MACO1: variants seen among roughly 807,000 people sequenced by gnomAD.
MACO1 encodes the protein macoilin.
MACO1 carries 14 observed loss-of-function variants against 78.7 expected under a neutral mutation model. The observed-to-expected ratio is 0.18, with a 90% CI of 0.12 to 0.28. The LOEUF (loss-of-function observed/expected upper bound fraction) is 0.28, where lower values mean the gene tolerates loss of function less well. Ranked by LOEUF, MACO1 falls within the 10% of genes least tolerant of loss-of-function variation. The pLI, the probability that MACO1 is intolerant of heterozygous loss-of-function variation, is 1.00. For synonymous variants in MACO1, 288 were observed against 291.6 expected (o/e 0.99, Z 0.12); for missense variants, 501 against 799.0 (o/e 0.63, Z 4.50).
intron 1 of MACO1, among the ~76,000 whole-genome samples, chr1:25,445,582 T>A (rs1209995187): frequency 6.6e-6 from 1 of 152,056 alleles, no homozygotes; most frequent in Non-Finnish European, 1.5e-5. Flanking sequence ...CTCTTTTCTT[T>A]TTATTATTTT....
At chr1:25,435,079 T>A (rs2042907948) in intron 1 of MACO1, among the ~76,000 whole-genome samples, 1 of 152,188 alleles carries the variant, frequency 6.6e-6, no homozygotes, top group Non-Finnish European at 1.5e-5. Flanking sequence ...ATATTCCAAA[T>A]CGCTACAGTT....
At chr1:25,483,796 G>T (rs1245305167) in intron 6 of MACO1, among the ~76,000 whole-genome samples, 1 of 152,202 alleles carries the variant, frequency 6.6e-6, no homozygotes, top group East Asian at 1.9e-4. Context: ...GGAGCCTTTA[G>T]TCTTCAGCCA....
chr1:25,431,143 A>G lies in MACO1; in HGVS notation c.45A>G (p.Leu15=), dbSNP rs1397577224. ...ACTGCAGTAAGCTCCGCCGCCCCCT[A>G]AAGCGGAACCGGATCACCGAGGGCA... ...NADCSKLRRP[L]KRNRITEGIY... The change falls in exon 1 of 11, where the codon CTA becomes CTG. Residue 15 remains leucine (L), a synonymous_variant. Transcript: ENST00000374343. The G allele has an allele frequency of 1.3e-6, 2 of 1,598,794 alleles. No homozygotes were observed. Among genetic ancestry groups the G allele is most frequent in the Admixed American group, 1.7e-5 (1 of 58,812 alleles).
intron 1 of MACO1, among the ~76,000 whole-genome samples, chr1:25,434,993 T>C (rs1400473027): frequency 6.6e-6 from 1 of 152,184 alleles, no homozygotes; most frequent in East Asian, 1.9e-4. Context: ...TTACTGACTT[T>C]ATAATATAAA....
At chr1:25,480,929 A>AAAATATATATATATATAT (rs1553166539) in intron 6 of MACO1, among the ~76,000 whole-genome samples, 1 of 47,932 alleles carries the variant, frequency 2.1e-5, no homozygotes, top group Non-Finnish European at 3.4e-5. Flanking sequence ...AAAAAAAAAA[A>AAAATATATATATATATAT]ATATATATAT....
In MACO1 at chr1:25,485,531, AG is replaced by A; in HGVS notation, c.1314-80del. 1 of 1,433,898 alleles carries A rather than the reference AG, an allele frequency of 7.0e-7. No individual in the cohort carries two copies. Among genetic ancestry groups the A allele is most frequent in the Non-Finnish European group, 9.4e-7 (1 of 1,061,930 alleles). The allele number at this position is 1,433,898 out of a possible 1,614,324, so 88.8% of individuals were successfully genotyped here. ...CAAACCTCCTGTTTAATTGGCCTTA[AG>A]GTGATAAAGAGATGTTTCTCAAGGG... On this transcript the variant is annotated intron_variant, in intron 7 of 10. Coordinates refer to ENST00000374343, the MANE Select transcript of MACO1 (RefSeq NM_018202.6). The surrounding 1 kb of genome is among the most constrained non-coding windows in gnomAD (Gnocchi z 4.3).
rs1300203151 is a variant in MACO1, at chr1:25,499,453, T to G, written c.*987T>G. On this transcript the variant is annotated 3_prime_UTR_variant, in exon 11 of 11. Transcript: ENST00000374343. ...CTGCGGGTCTAGGTTTTTTTTTTTT[T>G]GTTTTGTTTTTTCATTTCATTTAAC... 3.3e-5 allele frequency: 5 copies of G among 151,474 alleles called. No individual in the cohort carries two copies. The highest frequency in any genetic ancestry group is 2.1e-4 in the South Asian group (1 of 4,794). The allele number at this position is 151,474 out of a possible 1,614,324, so 9.4% of individuals were successfully genotyped here.
chr1:25,445,734 AT>A (rs1169750542), intron 1 of MACO1, among the ~76,000 whole-genome samples: 1 of 152,166 alleles, frequency 6.6e-6, no homozygotes, highest in Non-Finnish European at 1.5e-5. Flanking sequence ...TCACATCAGT[AT>A]TGGAATATTT....
At chr1:25,431,704 G>A (rs1365660166) in intron 1 of MACO1, among the ~76,000 whole-genome samples, 1 of 152,172 alleles carries the variant, frequency 6.6e-6, no homozygotes, top group African/African-American at 2.4e-5. Context: ...CTGGCCTGGG[G>A]CCATGCTGTC....
chr1:25,492,817 A>G (rs2043498945), intron 10 of MACO1, among the ~76,000 whole-genome samples: 1 of 151,642 alleles, frequency 6.6e-6, no homozygotes, highest in Non-Finnish European at 1.5e-5. Context: ...TAGAGTACTA[A>G]ATAGAGTACT....
chr1:25,459,018 T>C, intron 6 of MACO1, 126 bp downstream of exon 6: 1 of 1,246,242 alleles, frequency 8.0e-7, no homozygotes, highest in African/African-American at 1.5e-5. Context: ...GTGTGGTGTT[T>C]TACATGAGTT....
At position 25,499,885 on chromosome 1, in the gene MACO1, A is replaced by G. The variant is rs1226199806; in HGVS notation, c.*1419A>G. The G allele has an allele frequency of 6.6e-6, 1 of 152,226 alleles. No individual in the cohort carries two copies. The highest frequency in any genetic ancestry group is 2.4e-5 in the African/African-American group (1 of 41,450). The allele number at this position is 152,226 out of a possible 1,614,324, so 9.4% of individuals were successfully genotyped here. A position where few individuals can be genotyped will look rare whatever the true frequency, so the allele number is the denominator to read the frequency against. On this transcript the variant is annotated 3_prime_UTR_variant, in exon 11 of 11. Coordinates refer to ENST00000374343, the MANE Select transcript of MACO1 (RefSeq NM_018202.6). ...AGGACAAGCAAGTCAGTAAAATAGA[A>G]GTATTAAAAAGAATCATCCTTTAAA...
chr1:25,430,959 C>G lies in MACO1; in HGVS notation c.-140C>G. ...GCCCCCCCTCCCCGTGCTACCCCCTCCCCCCGGGTGCTGGCTCCATGTCTG... is the reference window on the plus strand; with the variant it reads ...GCCCCCCCTCCCCGTGCTACCCCCTGCCCCCGGGTGCTGGCTCCATGTCTG... On this transcript the variant is annotated 5_prime_UTR_variant, in exon 1 of 11. Coordinates refer to ENST00000374343, the MANE Select transcript of MACO1 (RefSeq NM_018202.6). 2.3e-6 allele frequency: 1 copy of G among 438,530 alleles called. No homozygotes were observed. Among genetic ancestry groups the G allele is most frequent in the Non-Finnish European group, 4.1e-6 (1 of 244,236 alleles). 27.2% of individuals were successfully genotyped at this position (438,530 alleles called of 1,614,324 possible).
In MACO1 at chr1:25,499,175, C is replaced by G. The variant is rs1356145660; in HGVS notation, c.*709C>G. ...CACAGTGCCTTGGGAAAAGACATTT[C>G]AAGAGGAAACTTGATAATTTTAAAC... On this transcript the variant is annotated 3_prime_UTR_variant, in exon 11 of 11. Coordinates refer to ENST00000374343, the MANE Select transcript of MACO1 (RefSeq NM_018202.6). 6.6e-6 allele frequency: 1 copy of G among 152,218 alleles called. No individual in the cohort carries two copies. Among genetic ancestry groups the G allele is most frequent in the Non-Finnish European group, 1.5e-5 (1 of 68,042 alleles). The allele number at this position is 152,218 out of a possible 1,614,324, so 9.4% of individuals were successfully genotyped here. A position where few individuals can be genotyped will look rare whatever the true frequency, so the allele number is the denominator to read the frequency against.
At chr1:25,491,646 C>T (rs1482016866) in intron 10 of MACO1, 62 bp downstream of exon 10, 4 of 1,465,322 alleles carry the variant, frequency 2.7e-6, no homozygotes, top group South Asian at 1.2e-5. Flanking sequence ...ATGCACAGGC[C>T]AGACCTCTCC....
chr1:25,451,573 T>C (rs1454880151), intron 3 of MACO1, among the ~76,000 whole-genome samples: 1 of 152,086 alleles, frequency 6.6e-6, no homozygotes, highest in Non-Finnish European at 1.5e-5. Flanking sequence ...GAAAATGCAT[T>C]GTTCTGTGGG....
At chr1:25,435,837 C>G (rs1393026625) in intron 1 of MACO1, among the ~76,000 whole-genome samples, 1 of 152,170 alleles carries the variant, frequency 6.6e-6, no homozygotes. Flanking sequence ...CTAAACTCTT[C>G]TATTTGTGGT....
At chr1:25,461,607 T>C (rs1352873348) in intron 6 of MACO1, among the ~76,000 whole-genome samples, 2 of 152,094 alleles carry the variant, frequency 1.3e-5, no homozygotes, top group African/African-American at 4.8e-5. Flanking sequence ...GATGTAAATA[T>C]CCAATAATGG....
intron 3 of MACO1, among the ~76,000 whole-genome samples, chr1:25,449,179 A>G (rs565380476): frequency 9.2e-5 from 14 of 152,148 alleles, no homozygotes; most frequent in Non-Finnish European, 1.8e-4. Flanking sequence ...CTCACTCTGA[A>G]TATATCTTTT....
Sources: gnomAD v4.1 joint callset for allele counts (sites outside exome capture counted in the v4.1 genomes callset) on GRCh38, gnomAD v4.1.1 for gene constraint, Gnocchi (gnomAD v3.1) non-coding constraint, MANE v1.5 for transcripts, NCBI Gene and HGNC (gene_info 2026-07-23, HGNC 2026-07-21) for gene names.